The following PABIR3 variants were observed in gnomAD, a reference collection of about 807,000 sequenced individuals.
PABIR3 encodes PABIR family member 3.
PABIR3 carries 20 observed loss-of-function variants against 23.1 expected under a neutral mutation model. The observed-to-expected ratio is 0.86, with a 90% CI of 0.61 to 1.26. PABIR3 has a LOEUF of 1.26. Among genes scored for constraint, PABIR3 ranks in the 50% most tolerant of loss-of-function variants. The pLI, the probability that PABIR3 is intolerant of heterozygous loss-of-function variation, is 0.00. For missense variants in PABIR3, 189 were observed against 195.4 expected (o/e 0.97, Z 0.20); for synonymous variants, 69 against 68.5 (o/e 1.01, Z -0.04).
At position 134,847,976 on chromosome X, in the gene PABIR3, G is replaced by A. The variant is rs1312761306; in HGVS notation, c.527+5G>A. The A allele has an allele frequency of 4.4e-6, 5 of 1,126,101 alleles. No individual in the cohort carries two copies. Among genetic ancestry groups the A allele is most frequent in the Non-Finnish European group, 5.9e-6 (5 of 848,109 alleles). 92.8% of individuals were successfully genotyped at this position (1,126,101 alleles called of 1,213,427 possible). ...TCCTATGCAACAATACATCATGTAA[G>A]TTTATGTTATATGAAAATACCAAAT... On this transcript the variant is annotated splice_donor_5th_base_variant and intron_variant, in intron 8 of 10. Transcript: ENST00000645433.
At chrX:134,862,142 GTTTTTTTTTTTTT>G in the PABIR3 span, among the ~76,000 whole-genome samples, 1 of 47,902 alleles carries the variant, frequency 2.1e-5, no homozygotes, top group African/African-American at 9.3e-5. Context: ...TTTATTGGCT[GTTTTTTTTTTTTT>G]TTTTTTTTTT....
chrX:134,838,699 C>T (rs1364948512), intron 4 of PABIR3: 3 of 60,801 alleles, frequency 4.9e-5, no homozygotes, highest in Non-Finnish European at 9.0e-5. Context: ...CCTCTCCCCA[C>T]GGTCTCCCTC....
intron 1 of PABIR3, among the ~76,000 whole-genome samples, chrX:134,799,108 T>G (rs764479435): frequency 1.7e-4 from 18 of 105,517 alleles, no homozygotes; most frequent in Non-Finnish European, 2.6e-4. Flanking sequence ...GCGTGAAAAG[T>G]TTTTTTTTTT....
intron 2 of PABIR3, among the ~76,000 whole-genome samples, chrX:134,811,544 C>T (rs969174345): frequency 9.1e-6 from 1 of 110,474 alleles, no homozygotes; most frequent in Non-Finnish European, 1.9e-5. Context: ...TGCACCACCA[C>T]GCCAGGCTAA....
At chrX:134,804,558 C>T (rs762341474), upstream of PABIR3, among the ~76,000 whole-genome samples, 37 of 111,911 alleles carry the variant, frequency 3.3e-4, no homozygotes, top group African/African-American at 1.2e-3. Flanking sequence ...TCACTCTTCC[C>T]TTGTCATTTT....
At chrX:134,804,664 T>C (rs772730746), upstream of PABIR3, among the ~76,000 whole-genome samples, 1 of 112,650 alleles carries the variant, frequency 8.9e-6, no homozygotes, top group South Asian at 3.6e-4. Context: ...ATTCAAAATA[T>C]ACGTATGAAA....
chrX:134,829,119 A>G (rs1178741755), intron 3 of PABIR3, 107 bp from the exon 4 acceptor site: 1 of 649,880 alleles, frequency 1.5e-6, no homozygotes, highest in Non-Finnish European at 2.5e-6. Context: ...GCTGGCATGC[A>G]TAAGACACTA....
At chrX:134,837,631 ACTTATTTTAATAAT>A in intron 4 of PABIR3, among the ~76,000 whole-genome samples, 1 of 112,057 alleles carries the variant, frequency 8.9e-6, no homozygotes, top group East Asian at 2.8e-4. Context: ...GACCTTTTAT[ACTTATTTTAATAAT>A]CTTATTTTAT....
At chrX:134,831,891 C>G (rs1255647007) in intron 4 of PABIR3, among the ~76,000 whole-genome samples, 1 of 111,599 alleles carries the variant, frequency 9.0e-6, no homozygotes, top group African/African-American at 3.3e-5. Context: ...TTCCTCGCCA[C>G]CCCTCATTTA....
Position 134,842,603 on chromosome X carries a change from G to T in PABIR3, c.247-2602G>T, listed in dbSNP as rs150480929. Among the ~76,000 whole-genome samples, 4 of 110,348 alleles carry T rather than the reference G, an allele frequency of 3.6e-5. No homozygotes were observed. The South Asian group carries it at 1.5e-3, about 42-fold the overall frequency. ...AGCCTAGGCAACAGAGCGAGACTCC[G>T]TCTCAAAAAAAAGTCCGGGCACAGT... On this transcript the variant is annotated intron_variant, in intron 4 of 10. Coordinates refer to ENST00000645433, the MANE Select transcript of PABIR3 (RefSeq NM_001388447.1).
intron 6 of PABIR3, 80 bp downstream of exon 6, chrX:134,845,481 T>C: frequency 1.2e-6 from 1 of 813,222 alleles, no homozygotes; most frequent in Non-Finnish European, 1.8e-6. Context: ...AGTTTTGCTG[T>C]AATTTCTAGA....
intron 4 of PABIR3, among the ~76,000 whole-genome samples, chrX:134,842,703 G>C (rs1283816879): frequency 9.1e-6 from 1 of 109,992 alleles, no homozygotes; most frequent in African/African-American, 3.3e-5. Context: ...TTTGAAACCA[G>C]CCTGGCCAAC....
At chrX:134,799,380 T>C (rs1461850498) in intron 1 of PABIR3, among the ~76,000 whole-genome samples, 1 of 112,583 alleles carries the variant, frequency 8.9e-6, no homozygotes, top group African/African-American at 3.2e-5. Flanking sequence ...TGTGAAGCTT[T>C]AACTTCTTAC....
At chrX:134,796,812 T>C (rs983345575) in exon 1 of PABIR3, 1 of 112,306 alleles carries the variant, frequency 8.9e-6, no homozygotes, top group Non-Finnish European at 1.9e-5. Context: ...GGGGCCGGGC[T>C]ACAGATGCTG....
intron 4 of PABIR3, among the ~76,000 whole-genome samples, chrX:134,843,151 A>T (rs2148330524): frequency 9.1e-6 from 1 of 110,094 alleles, no homozygotes; most frequent in Non-Finnish European, 1.9e-5. Flanking sequence ...AGGAGCCGAG[A>T]TCACACCATT....
At chrX:134,801,849 G>T (rs911953959) in intron 1 of PABIR3, among the ~76,000 whole-genome samples, 15 of 108,499 alleles carry the variant, frequency 1.4e-4, no homozygotes, top group African/African-American at 5.1e-4. Context: ...AAGAAAATTC[G>T]ACTTTTTTTT....
chrX:134,841,401 C>A (rs1328048668), intron 4 of PABIR3, among the ~76,000 whole-genome samples: 1 of 111,832 alleles, frequency 8.9e-6, no homozygotes, highest in Non-Finnish European at 1.9e-5. Context: ...TGAGTACATG[C>A]CTCCAACATA....
chrX:134,853,640 G>A (rs1403297405), intron 10 of PABIR3, among the ~76,000 whole-genome samples: 3 of 105,244 alleles, frequency 2.9e-5, no homozygotes, highest in African/African-American at 1.0e-4. Context: ...TTTTGTTTTA[G>A]ACGGAGTCTC....
intron 3 of PABIR3, among the ~76,000 whole-genome samples, chrX:134,815,575 C>G (rs1044431410): frequency 8.9e-6 from 1 of 112,148 alleles, no homozygotes; most frequent in Non-Finnish European, 1.9e-5. Context: ...TGTTCCTCAT[C>G]ATTGAATATG....
Sources: gnomAD v4.1 joint callset for allele counts (sites outside exome capture counted in the v4.1 genomes callset) on GRCh38, gnomAD v4.1.1 for gene constraint, MANE v1.5 for transcripts, NCBI Gene and HGNC (gene_info 2026-07-23, HGNC 2026-07-21) for gene names.